Variants in FAM13B observed in about 807,000 individuals in gnomAD.
The protein encoded by FAM13B is family with sequence similarity 13 member B.
In FAM13B, 60 loss-of-function variants were observed where a neutral mutation model predicts 117.3. That is an observed-to-expected ratio of 0.51 (90% confidence interval 0.42 to 0.63). FAM13B has a LOEUF of 0.63. Ranked by LOEUF, FAM13B falls within the 30% of genes least tolerant of loss-of-function variation. The pLI is 0.00. For synonymous variants in FAM13B, 332 were observed against 356.1 expected (o/e 0.93, Z 0.76); for missense variants, 972 against 1,091.9 (o/e 0.89, Z 1.55).
At chr5:137,956,970 A>G (rs914687118) in intron 13 of FAM13B, among the ~76,000 whole-genome samples, 2 of 152,228 alleles carry the variant, frequency 1.3e-5, no homozygotes, top group African/African-American at 2.4e-5. Context: ...ACTTCCATTA[A>G]AAGTCAAAAC....
At chr5:137,995,456 A>G (rs1779627011) in intron 7 of FAM13B, among the ~76,000 whole-genome samples, 1 of 152,230 alleles carries the variant, frequency 6.6e-6, no homozygotes, top group Admixed American at 6.5e-5. Flanking sequence ...AAATAGTGCT[A>G]TTGTTCAATT....
intron 1 of FAM13B, among the ~76,000 whole-genome samples, chr5:138,024,350 CTGGAGTTA>C (rs1429189985): frequency 1.3e-5 from 2 of 151,992 alleles, no homozygotes; most frequent in Non-Finnish European, 2.9e-5. Context: ...CAGGGAGAAA[CTGGAGTTA>C]TGCTGCCAGA....
chr5:138,016,189 G>C (rs1323330976), intron 4 of FAM13B, among the ~76,000 whole-genome samples: 1 of 152,060 alleles, frequency 6.6e-6, no homozygotes, highest in Non-Finnish European at 1.5e-5. Flanking sequence ...TTTTCAAATA[G>C]GGTAAATGCG....
At chr5:137,979,774 C>T (rs1775101684) in intron 10 of FAM13B, among the ~76,000 whole-genome samples, 3 of 152,158 alleles carry the variant, frequency 2.0e-5, no homozygotes. Context: ...GAAGTTCTTT[C>T]CTCTCTTCTG....
chr5:138,002,789 C>T (rs1362330035), intron 7 of FAM13B, among the ~76,000 whole-genome samples: 1 of 150,520 alleles, frequency 6.6e-6, no homozygotes, highest in Admixed American at 6.6e-5. Context: ...CCTCAGCCTC[C>T]CGAGTAGCTG....
chr5:138,045,301 A>C (rs1791610357), intron 1 of FAM13B, among the ~76,000 whole-genome samples: 1 of 152,190 alleles, frequency 6.6e-6, no homozygotes, highest in Non-Finnish European at 1.5e-5. Flanking sequence ...TGGGAGGCTG[A>C]GGCAGGCAGA....
chr5:137,977,271 C>T (rs896030866), intron 10 of FAM13B, among the ~76,000 whole-genome samples: 1 of 152,200 alleles, frequency 6.6e-6, no homozygotes, highest in Non-Finnish European at 1.5e-5. Context: ...TCAATGACAA[C>T]GTGTGCCTGA....
In FAM13B at chr5:137,973,350, CAATGGGGAAAGGATTCCCT is replaced by C. The variant is rs749516609; in HGVS notation, c.1180-10900_1180-10882del. On this transcript the variant is annotated intron_variant, in intron 10 of 23. Coordinates refer to ENST00000689681, the MANE Select transcript of FAM13B (RefSeq NM_001385994.1). ...CTTTGACAAACCTGACAAAAACAAG[CAATGGGGAAAGGATTCCCT>C]ATTTAATAAATGGTGCTGGGAAAAC... Among the ~76,000 whole-genome samples, 231 of 152,148 alleles carry C rather than the reference CAATGGGGAAAGGATTCCCT, an allele frequency of 1.5e-3. 1 individual carries two copies. Among genetic ancestry groups the C allele is most frequent in the Admixed American group, 3.4e-3 (52 of 15,268 alleles).
intron 10 of FAM13B, among the ~76,000 whole-genome samples, chr5:137,969,244 C>T (rs920137908): frequency 1.3e-5 from 2 of 152,226 alleles, no homozygotes; most frequent in African/African-American, 4.8e-5. Flanking sequence ...GTGGTTCTCC[C>T]AGCACGCAGC....
chr5:138,040,207 T>C (rs1791443986), intron 1 of FAM13B, among the ~76,000 whole-genome samples: 1 of 133,194 alleles, frequency 7.5e-6, no homozygotes, highest in Admixed American at 9.2e-5. Flanking sequence ...GAGGTTGCAG[T>C]GAGCCGAGAT....
At chr5:138,004,746 A>G (rs1365148702) in intron 7 of FAM13B, among the ~76,000 whole-genome samples, 1 of 151,636 alleles carries the variant, frequency 6.6e-6, no homozygotes, top group Non-Finnish European at 1.5e-5. Flanking sequence ...TGGGCATGGT[A>G]GCGAGCACCT....
rs760525449 is a variant in FAM13B, at chr5:137,959,729, T to C, written c.1328A>G (p.Asn443Ser). Residue 443 changes from asparagine to serine, a missense_variant, in exon 13 of 24, where the codon AAC becomes AGC. Transcript: ENST00000689681. ...SSSKICDLNA[N>S]TESEVPGGQS... ...ACCTCCTGGTACTTCTGATTCAGTG[T>C]TGGCATTCAAATCACATATCTTGCT... 1.9e-6 allele frequency: 3 copies of C among 1,613,790 alleles called. No individual in the cohort carries two copies. The highest frequency in any genetic ancestry group is 1.7e-5 in the Admixed American group (1 of 59,996).
At chr5:137,972,825 C>A (rs1490442874) in intron 10 of FAM13B, among the ~76,000 whole-genome samples, 1 of 151,956 alleles carries the variant, frequency 6.6e-6, no homozygotes, top group Non-Finnish European at 1.5e-5. Context: ...AACAGACAAA[C>A]AGAGCCAAAT....
chr5:138,011,451 C>G (rs1323378781), intron 5 of FAM13B, among the ~76,000 whole-genome samples: 2 of 151,734 alleles, frequency 1.3e-5, no homozygotes, highest in Non-Finnish European at 2.9e-5. Context: ...TGGAGTCTCG[C>G]TCTGTCACCC....
In FAM13B at chr5:137,948,977, C is replaced by T. The variant is rs576801185; in HGVS notation, c.2138G>A (p.Arg713Lys). Residue 713 changes from arginine to lysine, a missense_variant, in exon 18 of 24, where the codon AGG becomes AAG. By Grantham distance (26) the Arg-to-Lys change is conservative (BLOSUM62 2). Coordinates refer to ENST00000689681, the MANE Select transcript of FAM13B (RefSeq NM_001385994.1). ...TACCTTGATATCTTCTGGAAGACAC[C>T]TCTCAATACGTTTTTCTTTCAGTCT... The part of the protein sequence containing the change: ...LKRLKEKRIE[R>K]CLPEDIKKMT... 6.2e-7 allele frequency: 1 copy of T among 1,613,516 alleles called. No individual in the cohort carries two copies. Among genetic ancestry groups the T allele is most frequent in the South Asian group, 1.1e-5 (1 of 91,072 alleles).
Position 137,954,217 on chromosome 5 carries a change from A to C in FAM13B, c.1667T>G (p.Leu556Arg). ...SLDFGQSQRF[L>R]HDPEKLDSSS... ...GGAATCCAACTTTTCTGGATCATGTAGGAAACGCTGGCTTTGACCAAAATC... is the reference window on the plus strand; with the variant it reads ...GGAATCCAACTTTTCTGGATCATGTCGGAAACGCTGGCTTTGACCAAAATC... Residue 556 changes from leucine to arginine, a missense_variant, in exon 15 of 24, where the codon CTA becomes CGA. Transcript: ENST00000689681. The C allele has an allele frequency of 6.2e-7, 1 of 1,614,076 alleles. No individual in the cohort carries two copies. Among genetic ancestry groups the C allele is most frequent in the Non-Finnish European group, 8.5e-7 (1 of 1,180,012 alleles).
chr5:137,966,369 G>A (rs948710235), intron 10 of FAM13B, among the ~76,000 whole-genome samples: 9 of 150,494 alleles, frequency 6.0e-5, no homozygotes, highest in East Asian at 2.0e-4. Context: ...CCCAGGAGGC[G>A]GAGGTTGCAG....
intron 2 of FAM13B, 77 bp from the exon 3 acceptor site, chr5:138,019,223 T>C: frequency 7.9e-7 from 1 of 1,270,306 alleles, no homozygotes; most frequent in East Asian, 2.4e-5. Flanking sequence ...TAAAGAAAAA[T>C]GCTTTACACC....
chr5:138,007,285 GAGTA>G (rs1782785573), intron 6 of FAM13B, 138 bp from the exon 7 acceptor site: 4 of 631,766 alleles, frequency 6.3e-6, no homozygotes, highest in Admixed American at 3.6e-5. Context: ...CTCTCTTATG[GAGTA>G]AGTAACTGTC....
Sources: allele counts gnomAD v4.1 joint callset (sites outside exome capture counted in the v4.1 genomes callset), GRCh38; gene constraint gnomAD v4.1.1; transcripts MANE v1.5; gene names NCBI Gene and HGNC (gene_info 2026-07-23, HGNC 2026-07-21).